Variants in MRC1 observed in about 807,000 individuals in gnomAD.
MRC1 encodes the protein mannose receptor C-type 1, also known as macrophage mannose receptor 1.
In MRC1, 62 loss-of-function variants were observed where a neutral mutation model predicts 102.9. That is an observed-to-expected ratio of 0.60 (90% confidence interval 0.49 to 0.74). MRC1 has a LOEUF of 0.74. MRC1 is among the 30% of genes least tolerant of loss of function. The probability of loss-of-function intolerance (pLI) is 0.00; values close to 1 mark genes in which losing one functional copy is unlikely to be tolerated. For missense variants in MRC1, 1,237 were observed against 862.8 expected (o/e 1.43, Z -5.43); for synonymous variants, 457 against 298.4 (o/e 1.53, Z -5.48).
intron 4 of MRC1, among the ~76,000 whole-genome samples, chr10:17,835,851 G>A (rs1158084970): frequency 6.6e-6 from 1 of 152,212 alleles, no homozygotes; most frequent in Non-Finnish European, 1.5e-5. Flanking sequence ...ATCAGTAGGT[G>A]TGACACAGGG....
chr10:17,840,461 A>T (rs988735306), intron 4 of MRC1, among the ~76,000 whole-genome samples: 1 of 152,184 alleles, frequency 6.6e-6, no homozygotes, highest in Non-Finnish European at 1.5e-5. Flanking sequence ...AACTTTAAAA[A>T]TCTTACCAGA....
chr10:17,885,479 G>T, intron 22 of MRC1, 44 bp downstream of exon 22: 3 of 777,916 alleles, frequency 3.9e-6, no homozygotes, highest in Non-Finnish European at 4.8e-6. Context: ...CCATCAGCTT[G>T]CACAGGGTTA....
At chr10:17,859,138 C>T (rs955904485) in intron 9 of MRC1, among the ~76,000 whole-genome samples, 59 of 152,210 alleles carry the variant, frequency 3.9e-4, no homozygotes, top group African/African-American at 1.3e-3. Context: ...ATAGACATTC[C>T]GTACTTTGGG....
chr10:17,861,463 G>A lies in MRC1; in HGVS notation c.1595G>A (p.Cys532Tyr). Residue 532 changes from cysteine (C) to tyrosine (Y), a missense_variant, in exon 10 of 30, where the codon TGT becomes TAT. Transcript: ENST00000569591. ...LSTFAEANQT[C>Y]NNENAYLTTI... ...ACATTTGCAGAAGCAAACCAAACCT[G>A]TAATAATGAGAATGCTTATTTAACA... 1.1e-6 allele frequency: 1 copy of A among 872,278 alleles called. No individual in the cohort carries two copies. The highest frequency in any genetic ancestry group is 1.3e-5 in the South Asian group (1 of 76,516). The allele number at this position is 872,278 out of a possible 1,614,324, so 54.0% of individuals were successfully genotyped here. A position where few individuals can be genotyped will look rare whatever the true frequency, so the allele number is the denominator to read the frequency against.
intron 3 of MRC1, among the ~76,000 whole-genome samples, chr10:17,828,010 A>G (rs1273110290): frequency 6.6e-6 from 1 of 152,164 alleles, no homozygotes; most frequent in African/African-American, 2.4e-5. Context: ...ATTCCCTGAG[A>G]TCATGCTAAG....
In MRC1 at chr10:17,887,439, G is replaced by T. The variant is rs948918248; in HGVS notation, c.3147+2004G>T. 3.2e-3 allele frequency among the ~76,000 whole-genome samples: 486 copies of T among 152,184 alleles called. 1 individual carries two copies. The highest frequency in any genetic ancestry group is 5.3e-3 in the Non-Finnish European group (361 of 68,000). On this transcript the variant is annotated intron_variant, in intron 22 of 29. Transcript: ENST00000569591. ...ACAAACAAACAAAAAACTGGTGATGGGTAAATAATTTTCTGTGGAGAAATT... is the reference window on the plus strand; with the variant it reads ...ACAAACAAACAAAAAACTGGTGATGTGTAAATAATTTTCTGTGGAGAAATT...
intron 21 of MRC1, among the ~76,000 whole-genome samples, chr10:17,884,169 A>C (rs1392955223): frequency 6.6e-6 from 1 of 152,100 alleles, no homozygotes; most frequent in Non-Finnish European, 1.5e-5. Flanking sequence ...GGGTGTCGCC[A>C]TGTTGCCCAG....
At chr10:17,812,566 G>C (rs1276050255) in intron 1 of MRC1, among the ~76,000 whole-genome samples, 1 of 130,604 alleles carries the variant, frequency 7.7e-6, no homozygotes, top group Non-Finnish European at 1.6e-5. Flanking sequence ...CCAACAGTAG[G>C]CTTTTTTTTT....
chr10:17,887,017 A>G (rs1833606880), intron 22 of MRC1, among the ~76,000 whole-genome samples: 1 of 152,204 alleles, frequency 6.6e-6, no homozygotes, highest in East Asian at 1.9e-4. Flanking sequence ...CATTTTTATG[A>G]CCATTAATAA....
intron 4 of MRC1, among the ~76,000 whole-genome samples, chr10:17,837,809 C>T (rs1038630526): frequency 2.0e-5 from 3 of 151,896 alleles, no homozygotes; most frequent in Non-Finnish European, 4.4e-5. Flanking sequence ...CCATGTTGCC[C>T]AGGATGGTTT....
intron 4 of MRC1, among the ~76,000 whole-genome samples, chr10:17,835,066 C>T (rs1393558364): frequency 2.0e-5 from 3 of 152,172 alleles, no homozygotes; most frequent in African/African-American, 4.8e-5. Flanking sequence ...GTACTATTCC[C>T]GGTCTTGCAT....
intron 7 of MRC1, among the ~76,000 whole-genome samples, chr10:17,851,179 A>G (rs1210130937): frequency 6.6e-6 from 1 of 152,186 alleles, no homozygotes; most frequent in Non-Finnish European, 1.5e-5. Flanking sequence ...AAAGAAAAAA[A>G]CCTGATATTT....
intron 1 of MRC1, among the ~76,000 whole-genome samples, chr10:17,814,294 G>A (rs2130572802): frequency 6.6e-6 from 1 of 152,218 alleles, no homozygotes; most frequent in South Asian, 2.1e-4. Flanking sequence ...ATATAATGTG[G>A]TTCAAAATAA....
chr10:17,818,661 T>A (rs1838348565), intron 1 of MRC1, among the ~76,000 whole-genome samples: 1 of 151,930 alleles, frequency 6.6e-6, no homozygotes, highest in African/African-American at 2.4e-5. Flanking sequence ...ATACAAAAAT[T>A]AGGTGGGTGT....
At chr10:17,850,813 A>G (rs961600947) in intron 7 of MRC1, among the ~76,000 whole-genome samples, 14 of 152,142 alleles carry the variant, frequency 9.2e-5, no homozygotes, top group African/African-American at 3.1e-4. Context: ...TGAGAAACAA[A>G]TAGAGTAGTA....
intron 26 of MRC1, among the ~76,000 whole-genome samples, chr10:17,902,533 C>G (rs1833842464): frequency 6.6e-6 from 1 of 152,026 alleles, no homozygotes; most frequent in South Asian, 2.1e-4. Context: ...AAATAAAACT[C>G]AAATAGACAC....
intron 28 of MRC1, 80 bp downstream of exon 28, chr10:17,907,778 T>G: frequency 1.3e-6 from 1 of 762,508 alleles, no homozygotes; most frequent in Non-Finnish European, 2.4e-6. Context: ...TATGGAATCA[T>G]AATGTGATTA....
chr10:17,857,537 CT>C (rs1305890987), intron 9 of MRC1, among the ~76,000 whole-genome samples: 10 of 152,040 alleles, frequency 6.6e-5, no homozygotes, highest in Non-Finnish European at 1.0e-4. Context: ...ATAGCAGTCC[CT>C]TATGAAGTAC....
At chr10:17,886,283 T>TCTTCCTTCCTTCCTTC (rs537058208) in intron 22 of MRC1, among the ~76,000 whole-genome samples, 50 of 144,892 alleles carry the variant, frequency 3.5e-4, no homozygotes, top group African/African-American at 1.2e-3. Context: ...ATGGGTGTTT[T>TCTTCCTTCCTTCCTTC]CTTCCTTCCT....
Sources: allele counts gnomAD v4.1 joint callset (sites outside exome capture counted in the v4.1 genomes callset), GRCh38; gene constraint gnomAD v4.1.1; transcripts MANE v1.5; gene names NCBI Gene and HGNC (gene_info 2026-07-23, HGNC 2026-07-21).